The following CUX2 variants were observed in gnomAD, a reference collection of about 807,000 sequenced individuals.
CUX2 encodes the protein homeobox protein cut-like 2.
CUX2 carries 40 observed loss-of-function variants against 144.8 expected under a neutral mutation model. The observed-to-expected ratio is 0.28, with a 90% CI of 0.21 to 0.36. The LOEUF is 0.36. Ranked by LOEUF, CUX2 falls within the 10% of genes least tolerant of loss-of-function variation. The probability of loss-of-function intolerance (pLI) is 1.00; values close to 1 mark genes in which losing one functional copy is unlikely to be tolerated. For synonymous variants in CUX2, 827 were observed against 875.6 expected (o/e 0.94, Z 0.98); for missense variants, 1,615 against 1,994.0 (o/e 0.81, Z 3.62).
chr12:111,242,779 AT>A (rs957548695), intron 3 of CUX2, among the ~76,000 whole-genome samples: 42 of 152,154 alleles, frequency 2.8e-4, no homozygotes, highest in Non-Finnish European at 5.7e-4. Context: ...CCACCACTGC[AT>A]TCCAGCCGGG....
chr12:111,272,836 G>A (rs1401016421), intron 4 of CUX2, among the ~76,000 whole-genome samples: 1 of 152,128 alleles, frequency 6.6e-6, no homozygotes, highest in Non-Finnish European at 1.5e-5. Context: ...CCTCAGCCAG[G>A]AGCACCCTTT....
chr12:111,107,288 C>T (rs1321545469), intron 1 of CUX2, among the ~76,000 whole-genome samples: 1 of 152,246 alleles, frequency 6.6e-6, no homozygotes, highest in South Asian at 2.1e-4. Context: ...CTCACACAGC[C>T]TGCCCACCTG....
intron 16 of CUX2, among the ~76,000 whole-genome samples, chr12:111,318,241 TTTTC>T (rs1249429597): frequency 1.4e-4 from 17 of 121,608 alleles, no homozygotes; most frequent in African/African-American, 5.1e-4. Flanking sequence ...TTTTTTTCTT[TTTTC>T]TTTTTTTTTT....
intron 16 of CUX2, among the ~76,000 whole-genome samples, chr12:111,314,025 G>GC (rs1887045847): frequency 6.6e-6 from 1 of 151,938 alleles, no homozygotes; most frequent in South Asian, 2.1e-4. Flanking sequence ...CCAATCAATG[G>GC]CCCTCCCTCC....
rs1184941306 is a variant in CUX2 at position 111,037,270 on chromosome 12, G to C, written c.63+3030G>C. Among the ~76,000 whole-genome samples the C allele has an allele frequency of 6.6e-6, 1 of 152,216 alleles. No individual in the cohort carries two copies. The highest frequency in any genetic ancestry group is 1.9e-4 in the East Asian group (1 of 5,194). On this transcript the variant is annotated intron_variant, in intron 1 of 21. Coordinates refer to ENST00000261726, the MANE Select transcript of CUX2 (RefSeq NM_015267.4). This position sits in a 1 kb window ranked among gnomAD's most constrained non-coding sequence, Gnocchi z 5.4. ...CGCAGCGTGGTTGCTGAGCATTAAA[G>C]TGGCCGAGGCAACATGGGCGGCCCC...
At chr12:111,114,813 A>T (rs1874190158) in intron 1 of CUX2, among the ~76,000 whole-genome samples, 1 of 152,118 alleles carries the variant, frequency 6.6e-6, no homozygotes, top group South Asian at 2.1e-4. Context: ...TGGGTTTGTG[A>T]TCTGTCTCAA....
At chr12:111,053,869 T>C (rs183101628) in intron 1 of CUX2, among the ~76,000 whole-genome samples, 120 of 152,252 alleles carry the variant, frequency 7.9e-4, no homozygotes, top group African/African-American at 2.8e-3. Flanking sequence ...TTTTAAAAAC[T>C]CAGAGCTGGG....
At chr12:111,188,646 G>GA (rs762544105) in intron 1 of CUX2, among the ~76,000 whole-genome samples, 1 of 152,140 alleles carries the variant, frequency 6.6e-6, no homozygotes, top group Non-Finnish European at 1.5e-5. Context: ...GAGCGGGGGG[G>GA]AAAGGAGGGC....
At chr12:111,244,753 G>A (rs1274545675) in intron 3 of CUX2, among the ~76,000 whole-genome samples, 1 of 152,148 alleles carries the variant, frequency 6.6e-6, no homozygotes, top group Non-Finnish European at 1.5e-5. Flanking sequence ...GATCAGAACA[G>A]AACAGTTGAG....
At chr12:111,329,416 T>C (rs1887989651) in intron 18 of CUX2, among the ~76,000 whole-genome samples, 1 of 152,060 alleles carries the variant, frequency 6.6e-6, no homozygotes, top group Non-Finnish European at 1.5e-5. Context: ...TTTCTGAATC[T>C]TTCCATCACT....
In CUX2 at chr12:111,310,369, A is replaced by G. The variant is rs1886831314; in HGVS notation, c.1587A>G (p.Pro529=). The G allele has an allele frequency of 6.3e-7, 1 of 1,589,084 alleles. No individual in the cohort carries two copies. Among genetic ancestry groups the G allele is most frequent in the Non-Finnish European group, 8.6e-7 (1 of 1,164,470 alleles). ...APATPAPGPE[P]LGGPEPADGG... ...CCACCCCGGCCCCTGGCCCTGAGCC[A>G]CTGGGCGGTCCTGAGCCCGCGGATG... Residue 529 remains proline (P), a synonymous_variant, in exon 15 of 22, where the codon CCA becomes CCG. Coordinates refer to ENST00000261726, the MANE Select transcript of CUX2 (RefSeq NM_015267.4). This position sits in a 1 kb window ranked among gnomAD's most constrained non-coding sequence, Gnocchi z 7.9.
At chr12:111,164,987 C>A (rs1566266502) in intron 1 of CUX2, among the ~76,000 whole-genome samples, 1 of 152,152 alleles carries the variant, frequency 6.6e-6, no homozygotes, top group Non-Finnish European at 1.5e-5. Context: ...CAGAGGGAAG[C>A]AGAGCCAAGA....
chr12:111,298,546 A>G lies in CUX2; in HGVS notation c.710A>G (p.Asp237Gly). ...GCCTCATCTTTGTGTCTCAGGGCAG[A>G]TGAAGTCGGCCTGATCATGACCAAC... ...KYDEEAASKA[D>G]EVGLIMTNLE... Residue 237 changes from aspartate to glycine, a missense_variant, in exon 9 of 22, where the codon GAT becomes GGT. This residue lies in a region of CUX2 where 295 missense variants were observed against 400.2 expected (regional missense o/e 0.74). Transcript: ENST00000261726. 6.3e-7 allele frequency: 1 copy of G among 1,579,460 alleles called. No homozygotes were observed. Among genetic ancestry groups the G allele is most frequent in the Non-Finnish European group, 8.6e-7 (1 of 1,162,118 alleles).
chr12:111,314,639 T>TAAAAAAAAAAAA (rs954472479), intron 16 of CUX2, among the ~76,000 whole-genome samples: 19 of 23,232 alleles, frequency 8.2e-4, no homozygotes, highest in African/African-American at 2.9e-3. Context: ...AAACTCAGTC[T>TAAAAAAAAAAAA]AAAAAAAAAA....
Position 111,341,882 on chromosome 12 carries a change from T to C in CUX2, c.3488T>C (p.Leu1163Pro). Reference protein sequence around the residue: ...CPSPCLQPQDLSLLQIKKPRV... With the variant: ...CPSPCLQPQDPSLLQIKKPRV... ...AGCCCCTGCCTGCAGCCCCAGGACC[T>C]GAGCCTCCTGCAGATCAAGAAGCCC... Residue 1163 changes from leucine (L) to proline (P), a missense_variant, in exon 21 of 22, where the codon CTG becomes CCG. Leu to Pro is a moderately conservative substitution (Grantham distance 98). This residue lies in a region of CUX2 where 131 missense variants were observed against 223.1 expected (regional missense o/e 0.59). Coordinates refer to ENST00000261726, the MANE Select transcript of CUX2 (RefSeq NM_015267.4). 1.2e-6 allele frequency: 2 copies of C among 1,614,020 alleles called. No homozygotes were observed. Among genetic ancestry groups the C allele is most frequent in the Non-Finnish European group, 1.7e-6 (2 of 1,180,012 alleles).
chr12:111,118,465 T>C (rs752183547), intron 1 of CUX2, among the ~76,000 whole-genome samples: 4 of 152,124 alleles, frequency 2.6e-5, no homozygotes, highest in South Asian at 2.1e-4. Flanking sequence ...ACCCCAGAAA[T>C]TGGCAAGCAT....
At position 111,171,306 on chromosome 12, in the gene CUX2, G is replaced by A. The variant is rs1878507070; in HGVS notation, c.64-42894G>A. On this transcript the variant is annotated intron_variant, in intron 1 of 21. Coordinates refer to ENST00000261726, the MANE Select transcript of CUX2 (RefSeq NM_015267.4). This position sits in a 1 kb window ranked among gnomAD's most constrained non-coding sequence, Gnocchi z 5.0. ...TCATCAGTTTGCAGTGATTTTGCCA[G>A]TGAACACCTGAGCCCCTTAGTGCAT... Among the ~76,000 whole-genome samples, 1 of 152,202 alleles carries A rather than the reference G, an allele frequency of 6.6e-6. No individual in the cohort carries two copies. The highest frequency in any genetic ancestry group is 1.5e-5 in the Non-Finnish European group (1 of 68,040).
At chr12:111,103,423 C>G (rs1213239577) in intron 1 of CUX2, among the ~76,000 whole-genome samples, 1 of 152,166 alleles carries the variant, frequency 6.6e-6, no homozygotes, top group Non-Finnish European at 1.5e-5. Flanking sequence ...TCTCTCAACT[C>G]GAAGACCAGG....
chr12:111,088,382 C>G (rs1872362901), intron 1 of CUX2, among the ~76,000 whole-genome samples: 1 of 152,120 alleles, frequency 6.6e-6, no homozygotes, highest in Non-Finnish European at 1.5e-5. Context: ...ATGGGAGCTA[C>G]CACGCCCAGC....
Sources: allele counts gnomAD v4.1 joint callset (sites outside exome capture counted in the v4.1 genomes callset), GRCh38; gene constraint gnomAD v4.1.1; regional missense constraint gnomAD v4.1.1; non-coding constraint Gnocchi (gnomAD v3.1); transcripts MANE v1.5; gene names NCBI Gene and HGNC (gene_info 2026-07-23, HGNC 2026-07-21).